CCNY: variants seen among roughly 807,000 people sequenced by gnomAD.
The protein encoded by CCNY is cyclin Y.
In CCNY, 19 loss-of-function variants were observed where a neutral mutation model predicts 42.8. That is an observed-to-expected ratio of 0.44 (90% CI 0.31 to 0.65). The LOEUF (loss-of-function observed/expected upper bound fraction) is 0.65. CCNY is among the 30% of genes least tolerant of loss of function. The pLI, the probability that CCNY is intolerant of heterozygous loss-of-function variation, is 0.07. For synonymous variants in CCNY, 165 were observed against 162.7 expected (o/e 1.01, Z -0.11); for missense variants, 370 against 437.3 (o/e 0.85, Z 1.37).
chr10:35,466,370 G>T (rs534058402), intron 1 of CCNY, among the ~76,000 whole-genome samples: 26 of 152,320 alleles, frequency 1.7e-4, no homozygotes, highest in Admixed American at 9.8e-4. Context: ...AAAGAAGATT[G>T]TGTGGTGGCA....
At chr10:35,458,312 C>G (rs1045037598) in intron 1 of CCNY, among the ~76,000 whole-genome samples, 1 of 152,210 alleles carries the variant, frequency 6.6e-6, no homozygotes, top group African/African-American at 2.4e-5. Flanking sequence ...AGAATCTCAG[C>G]TTTCTCCCTG....
At chr10:35,559,488 T>A (rs1460445186) in intron 8 of CCNY, among the ~76,000 whole-genome samples, 1 of 152,240 alleles carries the variant, frequency 6.6e-6, no homozygotes, top group Non-Finnish European at 1.5e-5. Flanking sequence ...ATCTCAAATC[T>A]TCTAATCTCA....
At chr10:35,522,421 C>G (rs898307384) in intron 4 of CCNY, among the ~76,000 whole-genome samples, 8 of 152,138 alleles carry the variant, frequency 5.3e-5, no homozygotes, top group Non-Finnish European at 1.2e-4. Context: ...ATATCAGTCT[C>G]AAAACACAGT....
chr10:35,280,883 G>A (rs963756317), intron 3 of CCNY, among the ~76,000 whole-genome samples: 3 of 152,094 alleles, frequency 2.0e-5, no homozygotes, highest in African/African-American at 4.8e-5. Flanking sequence ...TACATAAAGA[G>A]CTCTTACAAC....
intron 3 of CCNY, among the ~76,000 whole-genome samples, chr10:35,313,011 A>C (rs371279965): frequency 2.0e-5 from 3 of 152,064 alleles, no homozygotes; most frequent in African/African-American, 7.2e-5. Context: ...TTGGACTGGG[A>C]ATCAGGAGAT....
chr10:35,302,381 G>T (rs1221750766), intron 3 of CCNY, among the ~76,000 whole-genome samples: 1 of 150,896 alleles, frequency 6.6e-6, no homozygotes, highest in African/African-American at 2.4e-5. Context: ...CGCGATCTCG[G>T]CTCACTGCAA....
chr10:35,317,414 C>T (rs1020100869), intron 3 of CCNY, among the ~76,000 whole-genome samples: 2 of 152,186 alleles, frequency 1.3e-5, no homozygotes, highest in Admixed American at 6.5e-5. Flanking sequence ...ATGACCAAGA[C>T]GGCAATACCT....
intron 3 of CCNY, among the ~76,000 whole-genome samples, chr10:35,503,447 G>A (rs1161749727): frequency 6.6e-6 from 1 of 152,148 alleles, no homozygotes; most frequent in Non-Finnish European, 1.5e-5. Flanking sequence ...CATCAGTCCT[G>A]CCACGCTAGG....
chr10:35,383,747 G>A (rs1352750558), intron 1 of CCNY, among the ~76,000 whole-genome samples: 1 of 152,104 alleles, frequency 6.6e-6, no homozygotes, highest in East Asian at 1.9e-4. Context: ...AAGGGATCGG[G>A]GAATCTTGTT....
intron 3 of CCNY, among the ~76,000 whole-genome samples, chr10:35,255,325 C>CTTTT (rs71033387): frequency 7.1e-6 from 1 of 140,484 alleles, no homozygotes. Flanking sequence ...TAATTTTTTT[C>CTTTT]TTTTTTTTTT....
At chr10:35,522,780 A>G (rs1462576489) in intron 4 of CCNY, among the ~76,000 whole-genome samples, 2 of 152,204 alleles carry the variant, frequency 1.3e-5, no homozygotes, top group Non-Finnish European at 2.9e-5. Flanking sequence ...GTTAGCCCCA[A>G]AAGACTAACT....
At chr10:35,428,362 G>A (rs1838314729) in intron 1 of CCNY, among the ~76,000 whole-genome samples, 2 of 152,288 alleles carry the variant, frequency 1.3e-5, no homozygotes, top group African/African-American at 4.8e-5. Context: ...TATAGTGGTG[G>A]TAGGGGGTGT....
At chr10:35,525,824 T>G (rs1840640798) in intron 4 of CCNY, 140 bp from the exon 5 acceptor site, 3 of 559,784 alleles carry the variant, frequency 5.4e-6, no homozygotes, top group Non-Finnish European at 3.0e-6. Context: ...TAATGAGCAT[T>G]GTGAATGAGA....
rs564215646 is a variant in CCNY at position 35,272,998 on chromosome 10, AT to A, written c.-9+22375del. Among the ~76,000 whole-genome samples, 198 of 147,152 alleles carry A rather than the reference AT, an allele frequency of 1.3e-3. 2 individuals are homozygous for A. Among genetic ancestry groups the A allele is most frequent in the African/African-American group, 4.6e-3 (182 of 39,692 alleles). On this transcript the variant is annotated intron_variant, in intron 3 of 11. Coordinates refer to the CCNY transcript ENST00000374706. ...GAGATGGTATGTCACTGTGGTTTTGATTTGCCTTTCTCTAATGATCAGTGGT... is the reference window on the plus strand; with the variant it reads ...GAGATGGTATGTCACTGTGGTTTTGATTGCCTTTCTCTAATGATCAGTGGT...
intron 1 of CCNY, among the ~76,000 whole-genome samples, chr10:35,443,678 C>A (rs1009602026): frequency 1.3e-5 from 2 of 152,138 alleles, no homozygotes; most frequent in African/African-American, 4.8e-5. Context: ...ATCTGCTAGC[C>A]GTAATAAAGA....
intron 1 of CCNY, chr10:35,347,543 T>C: frequency 2.3e-6 from 1 of 430,936 alleles, no homozygotes; most frequent in African/African-American, 2.1e-5. Flanking sequence ...TTATTTTGGG[T>C]GGATGCTTCT....
In CCNY at chr10:35,275,687, C is replaced by T. The variant is rs185884512; in HGVS notation, c.-9+25061C>T. ...CTGAGGCAGGAGAATGGCGTGAACC[C>T]GGGAGGCGGAGCTTGCAGTGAGCTG... On this transcript the variant is annotated intron_variant, in intron 3 of 11. Transcript: ENST00000374706. 1.7e-3 allele frequency among the ~76,000 whole-genome samples: 265 copies of T among 151,858 alleles called. 1 individual carries two copies. Among genetic ancestry groups the T allele is most frequent in the African/African-American group, 5.8e-3 (242 of 41,422 alleles).
intron 1 of CCNY, among the ~76,000 whole-genome samples, chr10:35,458,046 T>G (rs903529218): frequency 2.6e-5 from 4 of 152,234 alleles, no homozygotes; most frequent in Non-Finnish European, 5.9e-5. Context: ...ACATGTTATG[T>G]ACGTGTTCTT....
intron 3 of CCNY, among the ~76,000 whole-genome samples, chr10:35,291,613 C>G (rs1835415142): frequency 6.7e-6 from 1 of 149,778 alleles, no homozygotes; most frequent in Admixed American, 6.7e-5. Flanking sequence ...TCACTGCTAC[C>G]TCTACCTCCC....
Sources: allele counts gnomAD v4.1 joint callset (sites outside exome capture counted in the v4.1 genomes callset), GRCh38; gene constraint gnomAD v4.1.1; transcripts MANE v1.5; gene names NCBI Gene and HGNC (gene_info 2026-07-23, HGNC 2026-07-21).